ITPR2: variants seen among roughly 807,000 people sequenced by gnomAD.
ITPR2 encodes inositol 1,4,5-trisphosphate receptor type 2, also known as inositol 1,4,5-trisphosphate-gated calcium channel ITPR2.
A neutral mutation model predicts 317.1 loss-of-function variants in ITPR2; 207 were observed. The observed-to-expected ratio is 0.65, with a 90% CI of 0.58 to 0.73. The LOEUF is 0.73. Ranked by LOEUF, ITPR2 falls within the 30% of genes least tolerant of loss-of-function variation. The probability of loss-of-function intolerance (pLI) is 0.00; values close to 1 mark genes in which losing one functional copy is unlikely to be tolerated. For missense variants in ITPR2, 2,613 were observed against 3,284.0 expected, an observed-to-expected ratio of 0.80 and a Z score of 4.99; for synonymous variants, 1,156 against 1,149.1, an observed-to-expected ratio of 1.01 and a Z score of -0.12.
chr12:26,607,873 G>C (rs946607648), intron 26 of ITPR2, among the ~76,000 whole-genome samples: 3 of 151,512 alleles, frequency 2.0e-5, no homozygotes. Flanking sequence ...AAGGTCAGGA[G>C]ATCGAGACCA....
intron 21 of ITPR2, among the ~76,000 whole-genome samples, chr12:26,645,218 G>A (rs548027276): frequency 2.0e-5 from 3 of 152,288 alleles, no homozygotes; most frequent in South Asian, 2.1e-4. Context: ...TAGAGTTGCC[G>A]AGAATTGTGG....
chr12:26,793,592 G>A (rs1386599389), intron 1 of ITPR2, among the ~76,000 whole-genome samples: 4 of 152,038 alleles, frequency 2.6e-5, no homozygotes, highest in Non-Finnish European at 4.4e-5. Context: ...ATCATTATAA[G>A]CTCCAAGAGA....
intron 46 of ITPR2, among the ~76,000 whole-genome samples, chr12:26,440,806 T>A (rs1042011926): frequency 6.6e-6 from 1 of 152,178 alleles, no homozygotes; most frequent in Non-Finnish European, 1.5e-5. Context: ...TAGATTATTA[T>A]AAGCCAAGCT....
intron 35 of ITPR2, among the ~76,000 whole-genome samples, chr12:26,561,420 G>A (rs1054115077): frequency 3.3e-5 from 5 of 152,110 alleles, no homozygotes; most frequent in Admixed American, 3.3e-4. Flanking sequence ...TCTGACCAAA[G>A]GATTAGAAGG....
intron 45 of ITPR2, among the ~76,000 whole-genome samples, chr12:26,460,537 TGAGAA>T (rs1161921809): frequency 6.6e-6 from 1 of 152,012 alleles, no homozygotes; most frequent in African/African-American, 2.4e-5. Flanking sequence ...GGGAAGGAAA[TGAGAA>T]GAGGCTGTCT....
At chr12:26,602,277 A>T in intron 28 of ITPR2, 93 bp downstream of exon 28, 1 of 1,401,802 alleles carries the variant, frequency 7.1e-7, no homozygotes, top group Non-Finnish European at 9.7e-7. Flanking sequence ...ATTCTAAAAT[A>T]ATTAAGAAAG....
intron 23 of ITPR2, among the ~76,000 whole-genome samples, chr12:26,624,732 T>G (rs1946581340): frequency 6.6e-6 from 1 of 150,784 alleles, no homozygotes; most frequent in Admixed American, 6.6e-5. Flanking sequence ...TTGGTGGGAA[T>G]GTAAATTAGT....
At chr12:26,665,826 GTAATA>G in intron 14 of ITPR2, 79 bp downstream of exon 14, 1 of 1,205,464 alleles carries the variant, frequency 8.3e-7, no homozygotes, top group Non-Finnish European at 1.2e-6. Flanking sequence ...TTGCTTCATA[GTAATA>G]GATAACTAAT....
intron 46 of ITPR2, among the ~76,000 whole-genome samples, chr12:26,442,464 C>T (rs1254904523): frequency 6.6e-6 from 1 of 152,116 alleles, no homozygotes; most frequent in African/African-American, 2.4e-5. Flanking sequence ...CAACAGCTCC[C>T]ATCTCTCACC....
chr12:26,510,950 A>G (rs1355984870), intron 37 of ITPR2, among the ~76,000 whole-genome samples: 1 of 152,244 alleles, frequency 6.6e-6, no homozygotes, highest in Non-Finnish European at 1.5e-5. Context: ...AGTTGTTGGT[A>G]AAAAATCACA....
chr12:26,414,700 A>G (rs1940665215), intron 51 of ITPR2, among the ~76,000 whole-genome samples: 1 of 152,218 alleles, frequency 6.6e-6, no homozygotes, highest in Non-Finnish European at 1.5e-5. Context: ...CACACTGATT[A>G]TAAATGGACG....
At chr12:26,427,622 G>C (rs1941099319) in intron 49 of ITPR2, among the ~76,000 whole-genome samples, 1 of 152,064 alleles carries the variant, frequency 6.6e-6, no homozygotes, top group Admixed American at 6.5e-5. Flanking sequence ...TTTGTCAATA[G>C]CTGTGGGTAT....
intron 2 of ITPR2, among the ~76,000 whole-genome samples, chr12:26,741,873 G>A (rs928692470): frequency 1.3e-5 from 2 of 152,184 alleles, no homozygotes; most frequent in South Asian, 4.1e-4. Context: ...TTGCAAGCAG[G>A]CATGAGCTAA....
chr12:26,782,027 T>G (rs1298564223), intron 2 of ITPR2, among the ~76,000 whole-genome samples: 821 of 26,124 alleles, frequency 0.031, 20 homozygotes, highest in East Asian at 0.1. Flanking sequence ...TATATATATA[T>G]ATATATGTAT....
chr12:26,369,902 T>C (rs1939132493), intron 55 of ITPR2, among the ~76,000 whole-genome samples: 1 of 152,146 alleles, frequency 6.6e-6, no homozygotes, highest in African/African-American at 2.4e-5. Context: ...GCCTACGTAA[T>C]GAAACCCCTG....
At chr12:26,478,232 C>T (rs1023286599) in intron 43 of ITPR2, among the ~76,000 whole-genome samples, 1 of 152,102 alleles carries the variant, frequency 6.6e-6, no homozygotes, top group Non-Finnish European at 1.5e-5. Flanking sequence ...TGATGATTGA[C>T]ACTAATGTCA....
At chr12:26,370,336 G>A (rs928068411) in intron 55 of ITPR2, among the ~76,000 whole-genome samples, 1 of 152,144 alleles carries the variant, frequency 6.6e-6, no homozygotes, top group African/African-American at 2.4e-5. Context: ...TTATACTGCA[G>A]TATGTTACCA....
intron 47 of ITPR2, among the ~76,000 whole-genome samples, chr12:26,438,028 C>A (rs1052015641): frequency 2.6e-5 from 4 of 152,100 alleles, no homozygotes; most frequent in Admixed American, 2.6e-4. Flanking sequence ...GTCTCGATCT[C>A]CTGACCTCAT....
chr12:26,453,430 G>A (rs1941790432), intron 45 of ITPR2, among the ~76,000 whole-genome samples: 1 of 152,190 alleles, frequency 6.6e-6, no homozygotes, highest in African/African-American at 2.4e-5. Flanking sequence ...GGGTGAGGAA[G>A]CAAGAAAAGA....
Sources: gnomAD v4.1 joint callset for allele counts (sites outside exome capture counted in the v4.1 genomes callset) on GRCh38, gnomAD v4.1.1 for gene constraint, MANE v1.5 for transcripts, NCBI Gene and HGNC (gene_info 2026-07-23, HGNC 2026-07-21) for gene names.